Variants in CELF2 observed in about 807,000 individuals in gnomAD.
CELF2 encodes the protein CUGBP Elav-like family member 2.
A neutral mutation model predicts 62.6 loss-of-function variants in CELF2; 8 were observed. That is an observed-to-expected ratio of 0.13 (90% confidence interval 0.07 to 0.23). The LOEUF (loss-of-function observed/expected upper bound fraction) is 0.23, where lower values mean the gene tolerates loss of function less well. Among genes scored for constraint, CELF2 ranks in the 10% least tolerant of loss-of-function variants. The pLI is 1.00. For synonymous variants in CELF2, 258 were observed against 250.0 expected (o/e 1.03, Z -0.30); for missense variants, 333 against 671.0 (o/e 0.50, Z 5.56).
At chr10:10,530,584 A>G in the CELF2 span, among the ~76,000 whole-genome samples, 2 of 152,304 alleles carry the variant, frequency 1.3e-5, no homozygotes, top group South Asian at 4.1e-4. Flanking sequence ...AATGCCTCTG[A>G]CACAAATATA....
At chr10:11,023,487 T>A (rs1301751324) in intron 1 of CELF2, among the ~76,000 whole-genome samples, 1 of 152,246 alleles carries the variant, frequency 6.6e-6, no homozygotes, top group Non-Finnish European at 1.5e-5. Context: ...TCCCCTTTAG[T>A]ATCATCACCG....
At chr10:11,179,964 G>A (rs1056561452) in intron 2 of CELF2, among the ~76,000 whole-genome samples, 3 of 152,110 alleles carry the variant, frequency 2.0e-5, no homozygotes, top group Admixed American at 2.0e-4. Context: ...ATGTTCACTC[G>A]GACTCCTAGC....
the CELF2 span, among the ~76,000 whole-genome samples, chr10:10,727,742 C>T: frequency 6.7e-6 from 1 of 149,330 alleles, no homozygotes. Flanking sequence ...CACCACTGCA[C>T]TCCAGCCTGG....
chr10:11,202,951 CTGTGTG>C (rs3055302), intron 2 of CELF2, among the ~76,000 whole-genome samples: 20 of 53,866 alleles, frequency 3.7e-4, no homozygotes, highest in South Asian at 1.9e-3. Context: ...CTCTCTCTCT[CTGTGTG>C]TGTGTGTGTG....
At chr10:10,860,106 C>G (rs2059969134) in intron 1 of CELF2, among the ~76,000 whole-genome samples, 1 of 151,760 alleles carries the variant, frequency 6.6e-6, no homozygotes, top group Non-Finnish European at 1.5e-5. Flanking sequence ...TATATGGAAC[C>G]AAAAAATAGA....
chr10:10,851,168 C>CATA (rs1486294283), intron 1 of CELF2, among the ~76,000 whole-genome samples: 2 of 152,182 alleles, frequency 1.3e-5, no homozygotes, highest in Non-Finnish European at 2.9e-5. Context: ...GAAGCAGAGG[C>CATA]ATAATCCATA....
At chr10:10,653,543 A>G in the CELF2 span, among the ~76,000 whole-genome samples, 5 of 135,910 alleles carry the variant, frequency 3.7e-5, no homozygotes, top group South Asian at 3.1e-4. Flanking sequence ...CAATCAAACT[A>G]GAACTCAGGA....
the CELF2 span, among the ~76,000 whole-genome samples, chr10:10,676,871 A>G: frequency 1.3e-5 from 2 of 152,232 alleles, no homozygotes; most frequent in African/African-American, 2.4e-5. Context: ...AGAAACAGAC[A>G]GTACTTTTAG....
the CELF2 span, among the ~76,000 whole-genome samples, chr10:10,585,202 G>C: frequency 6.6e-6 from 1 of 152,180 alleles, no homozygotes; most frequent in Non-Finnish European, 1.5e-5. Context: ...TGGAGGGTTA[G>C]AGAATTCCCA....
intron 1 of CELF2, among the ~76,000 whole-genome samples, chr10:10,822,149 T>G (rs570553856): frequency 6.6e-6 from 1 of 152,312 alleles, no homozygotes; most frequent in East Asian, 1.9e-4. Flanking sequence ...AGCCTGTGTT[T>G]CCTCTGCAGC....
At chr10:10,950,111 T>C (rs564149546) in intron 2 of CELF2, among the ~76,000 whole-genome samples, 1 of 152,180 alleles carries the variant, frequency 6.6e-6, no homozygotes, top group Admixed American at 6.5e-5. Context: ...AAGAGGCGAG[T>C]TGAGGGTTTG....
rs2056441078 is a variant in CELF2, at chr10:11,011,407, G to A, written c.53+5967G>A. 6.6e-6 allele frequency among the ~76,000 whole-genome samples: 1 copy of A among 151,466 alleles called. No individual in the cohort carries two copies. Among genetic ancestry groups the A allele is most frequent in the Non-Finnish European group, 1.5e-5 (1 of 67,926 alleles). The stretch of plus-strand genomic sequence containing the variant: ...GGCCCTGAAGGATGGGCAGATGGAG[G>A]TGGGTGAGGGGGAGAGGGAAGGTGT... On this transcript the variant is annotated intron_variant, in intron 1 of 12. Coordinates refer to the CELF2 transcript ENST00000416382. The surrounding 1 kb of genome is among the most constrained non-coding windows in gnomAD (Gnocchi z 4.6).
chr10:10,666,038 GA>G, the CELF2 span, among the ~76,000 whole-genome samples: 1 of 152,202 alleles, frequency 6.6e-6, no homozygotes, highest in Non-Finnish European at 1.5e-5. Context: ...GCAAAGCAGA[GA>G]AAATCCTTCG....
the CELF2 span, among the ~76,000 whole-genome samples, chr10:10,495,739 C>A: frequency 6.6e-6 from 1 of 152,124 alleles, no homozygotes; most frequent in African/African-American, 2.4e-5. Context: ...CACAATGGAC[C>A]GTGCCCAGGG....
At chr10:10,940,815 T>A (rs1323640114) in intron 2 of CELF2, among the ~76,000 whole-genome samples, 1 of 152,158 alleles carries the variant, frequency 6.6e-6, no homozygotes, top group Non-Finnish European at 1.5e-5. Context: ...TGCAGAGAGC[T>A]TTTCCTTCCA....
rs557673712 is a variant in CELF2 at position 11,059,139 on chromosome 10, G to A, written c.74+40976G>A. ...ATGGTTAACAAACTGCTACTTCAGC[G>A]CCCTCCACTAGTAAACAGAACCATC... On this transcript the variant is annotated intron_variant, in intron 1 of 12. Transcript: ENST00000633077. Among the ~76,000 whole-genome samples the A allele has an allele frequency of 3.3e-5, 5 of 152,250 alleles. No individual in the cohort carries two copies. In the East Asian group the frequency reaches 7.7e-4, roughly 23 times the overall value.
intron 2 of CELF2, among the ~76,000 whole-genome samples, chr10:11,199,425 A>G (rs986340275): frequency 1.3e-5 from 2 of 152,068 alleles, no homozygotes; most frequent in African/African-American, 2.4e-5. Flanking sequence ...CCTGACCACA[A>G]GTGCTGGAAG....
chr10:11,088,264 GT>G (rs2047350288), intron 1 of CELF2, among the ~76,000 whole-genome samples: 1 of 152,244 alleles, frequency 6.6e-6, no homozygotes, highest in African/African-American at 2.4e-5. Flanking sequence ...GAGAGGCAGA[GT>G]GAACAGCATG....
At chr10:10,680,293 T>G in the CELF2 span, among the ~76,000 whole-genome samples, 5 of 152,270 alleles carry the variant, frequency 3.3e-5, no homozygotes, top group East Asian at 9.6e-4. Flanking sequence ...AAGACTACCT[T>G]CAGGTTTGAA....
Sources: allele counts gnomAD v4.1 joint callset (sites outside exome capture counted in the v4.1 genomes callset), GRCh38; gene constraint gnomAD v4.1.1; non-coding constraint Gnocchi (gnomAD v3.1); transcripts MANE v1.5; gene names NCBI Gene and HGNC (gene_info 2026-07-23, HGNC 2026-07-21).